The following MS4A8 variants were observed in gnomAD, a reference collection of about 807,000 sequenced individuals.
MS4A8 encodes membrane spanning 4-domains A8.
MS4A8 carries 27 observed loss-of-function variants against 23.7 expected under a neutral mutation model. The observed-to-expected ratio is 1.14, with a 90% confidence interval of 0.84 to 1.57. The LOEUF (loss-of-function observed/expected upper bound fraction) is 1.57, where lower values mean the gene tolerates loss of function less well. Among genes scored for constraint, MS4A8 ranks in the 40% most tolerant of loss-of-function variants. MS4A8 has a pLI of 0.00. For synonymous variants in MS4A8, 138 were observed against 126.3 expected, an observed-to-expected ratio of 1.09 and a Z score of -0.62; for missense variants, 301 against 311.4, an observed-to-expected ratio of 0.97 and a Z score of 0.25.
Position 60,700,842 on chromosome 11 carries a change from G to A in MS4A8, c.-1-18G>A, listed in dbSNP as rs201880847. On this transcript the variant is annotated intron_variant, in intron 1 of 6. Transcript: ENST00000300226. ...TCCATATGTGAGGGAAAATTCTCTC[G>A]CATTTATTTCTTGGCAGCATGAATT... 154 of 1,613,412 alleles carry A rather than the reference G, an allele frequency of 9.5e-5. No individual in the cohort carries two copies. The East Asian group carries it at 1.6e-3, about 17-fold the overall frequency.
chr11:60,703,379 C>G lies in MS4A8; in HGVS notation c.221C>G (p.Ala74Gly). 1 of 1,565,296 alleles carries G rather than the reference C, an allele frequency of 6.4e-7. No homozygotes were observed. Among genetic ancestry groups the G allele is most frequent in the Non-Finnish European group, 8.6e-7 (1 of 1,157,278 alleles). The change falls in exon 3 of 7, where the codon GCC (alanine) becomes GGC (glycine). Residue 74 changes from alanine (A) to glycine (G), a missense_variant and splice_region_variant. Physicochemically the swap from Ala to Gly is moderately conservative, Grantham distance 60. Transcript: ENST00000300226. ...TTCAGCTTGTGGCTCTCCTGACAGG[C>G]CATCCAGATCATCATTGGCCTGGCT... ...KALKEGKTLGAIQIIIGLAHI... is the reference protein window; with the variant it reads ...KALKEGKTLGGIQIIIGLAHI...
intron 2 of MS4A8, chr11:60,701,439 C>A (rs933328951): frequency 2.0e-5 from 8 of 398,108 alleles, no homozygotes; most frequent in African/African-American, 1.0e-4. Context: ...CCAATAAGAT[C>A]GAATCAAATA....
chr11:60,715,396 G>C lies in MS4A8; in HGVS notation c.735G>C (p.Glu245Asp). The C allele has an allele frequency of 6.2e-7, 1 of 1,613,760 alleles. No homozygotes were observed. Among genetic ancestry groups the C allele is most frequent in the Non-Finnish European group, 8.5e-7 (1 of 1,179,754 alleles). Residue 245 changes from glutamate (E) to aspartate (D), a missense_variant, in exon 7 of 7, where the codon GAG (glutamate) becomes GAC (aspartate). Glu to Asp is a conservative substitution (Grantham distance 45). Transcript: ENST00000300226. ...CCTCACCACCAAGTTATTCCAGTGA[G>C]ATCCAAGCAAATAAGTAAGGCTACA... ...PVTSPPSYSS[E>D]IQANK
intron 1 of MS4A8, 148 bp from the exon 2 acceptor site, chr11:60,700,712 C>T (rs2088195396): frequency 2.7e-6 from 2 of 743,464 alleles, no homozygotes; most frequent in African/African-American, 3.5e-5. Flanking sequence ...TCTTAAGTGC[C>T]CTATAACTGA....
At chr11:60,705,387 G>A (rs935880316) in intron 3 of MS4A8, among the ~76,000 whole-genome samples, 5 of 152,200 alleles carry the variant, frequency 3.3e-5, no homozygotes, top group East Asian at 3.8e-4. Context: ...CACTGACCAC[G>A]CCTCCTCCCA....
At chr11:60,701,316 A>G in intron 2 of MS4A8, 1 of 633,318 alleles carries the variant, frequency 1.6e-6, no homozygotes, top group Non-Finnish European at 2.9e-6. Context: ...AAGCAACAAA[A>G]AAGCAGCACG....
Position 60,703,438 on chromosome 11 carries a change from C to G in MS4A8, c.280C>G (p.Leu94Val). Residue 94 changes from leucine (L) to valine (V), a missense_variant, in exon 3 of 7, where the codon CTC (leucine) becomes GTC (valine). Transcript: ENST00000300226. ...IGLGSIMATV[L>V]VGEYLSISFY... ...CCTCGGCTCCATCATGGCGACGGTTCTCGTAGGGGAATACCTGTCTATTTC... is the reference window on the plus strand; with the variant it reads ...CCTCGGCTCCATCATGGCGACGGTTGTCGTAGGGGAATACCTGTCTATTTC... 1 of 1,607,546 alleles carries G rather than the reference C, an allele frequency of 6.2e-7. No individual in the cohort carries two copies. Among genetic ancestry groups the G allele is most frequent in the Non-Finnish European group, 8.5e-7 (1 of 1,177,468 alleles).
intron 3 of MS4A8, among the ~76,000 whole-genome samples, chr11:60,706,317 C>G (rs575371327): frequency 6.6e-6 from 1 of 152,154 alleles, no homozygotes. Flanking sequence ...ACAGTGCCTG[C>G]GGAATACCAT....
At chr11:60,708,522 A>G in intron 4 of MS4A8, 128 bp from the exon 5 acceptor site, 2 of 947,964 alleles carry the variant, frequency 2.1e-6, no homozygotes, top group Non-Finnish European at 3.0e-6. Flanking sequence ...AGGATGTTAA[A>G]TTTTATGTTA....
intron 1 of MS4A8, 105 bp from the exon 2 acceptor site, chr11:60,700,755 T>G (rs1416590757): frequency 1.4e-5 from 15 of 1,089,570 alleles, no homozygotes; most frequent in Non-Finnish European, 2.1e-5. Context: ...ATTCATAAAC[T>G]TGTAGAGGGT....
intron 5 of MS4A8, among the ~76,000 whole-genome samples, chr11:60,710,701 C>T (rs2088293478): frequency 6.6e-6 from 1 of 152,160 alleles, no homozygotes; most frequent in African/African-American, 2.4e-5. Flanking sequence ...CACTTCTCTG[C>T]TGGCATCTTA....
Position 60,711,743 on chromosome 11 carries a change from A to G in MS4A8, c.534+2962A>G, listed in dbSNP as rs1473685754. On this transcript the variant is annotated intron_variant, in intron 5 of 6. Transcript: ENST00000300226. Reference sequence around the variant, plus strand: ...GGAAGATGGGAGAAGAGTTTAGGAAAGACTAAACCCCAAGCAGCACAGCCA... The same window carrying G: ...GGAAGATGGGAGAAGAGTTTAGGAAGGACTAAACCCCAAGCAGCACAGCCA... 11 of 450,756 alleles carry G rather than the reference A, an allele frequency of 2.4e-5. No homozygotes were observed. The Admixed American group carries it at 2.7e-4, about 11-fold the overall frequency. The allele number at this position is 450,756 out of a possible 1,614,324, so 27.9% of individuals were successfully genotyped here.
chr11:60,714,956 C>G (rs1019272484), intron 5 of MS4A8, 65 bp from the exon 6 acceptor site: 9 of 1,116,260 alleles, frequency 8.1e-6, no homozygotes, highest in Non-Finnish European at 1.2e-5. Flanking sequence ...GGCAGGGCCC[C>G]AGTGAGAGGT....
chr11:60,715,309 G>T lies in MS4A8; in HGVS notation c.649-1G>T, dbSNP rs768160702. ...GCCCCCTGTGTGCCTGTGTTTTCCA[G>T]GTGAGTGTCATCTATCCAAACATCT... On this transcript the variant is annotated splice_acceptor_variant, in intron 6 of 6. Transcript: ENST00000300226. LOFTEE classifies it high-confidence loss of function. 8.1e-6 allele frequency: 13 copies of T among 1,613,690 alleles called. No individual in the cohort carries two copies. The highest frequency in any genetic ancestry group is 1.1e-5 in the Non-Finnish European group (13 of 1,179,830).
intron 4 of MS4A8, among the ~76,000 whole-genome samples, chr11:60,707,928 C>T (rs1029259403): frequency 2.8e-5 from 4 of 144,114 alleles, no homozygotes; most frequent in Non-Finnish European, 6.0e-5. Context: ...CTCCTGGGTT[C>T]AAGCAATTCT....
chr11:60,715,063 C>G lies in MS4A8; in HGVS notation c.577C>G (p.Leu193Val). 6.2e-7 allele frequency: 1 copy of G among 1,614,114 alleles called. No homozygotes were observed. Among genetic ancestry groups the G allele is most frequent in the South Asian group, 1.1e-5 (1 of 91,076 alleles). ...AISGVLLVFC[L>V]LEFGIACASS... ...TTCTGGCGTGCTGCTGGTCTTCTGC[C>G]TCCTGGAGTTTGGCATCGCATGCGC... Residue 193 changes from leucine to valine, a missense_variant, in exon 6 of 7, where the codon CTC (leucine) becomes GTC (valine). Leu to Val is a conservative substitution (Grantham distance 32, BLOSUM62 1). Coordinates refer to ENST00000300226, the MANE Select transcript of MS4A8 (RefSeq NM_031457.2).
rs766939698 is a variant in MS4A8, at chr11:60,715,333, C to T, written c.672C>T (p.Ile224=). The T allele has an allele frequency of 6.2e-6, 10 of 1,614,066 alleles. No homozygotes were observed. The South Asian group carries it at 1.1e-4, about 18-fold the overall frequency. ...AGGTGAGTGTCATCTATCCAAACAT[C>T]TATGCAGCAAACCCAGTGATCACCC... ...SSNVSVIYPN[I]YAANPVITPE... Residue 224 remains isoleucine, a synonymous_variant, in exon 7 of 7, where the codon ATC becomes ATT. Transcript: ENST00000300226.
intron 6 of MS4A8, 23 bp downstream of exon 6, chr11:60,715,157 G>C: frequency 6.3e-7 from 1 of 1,584,382 alleles, no homozygotes; most frequent in Non-Finnish European, 8.7e-7. Flanking sequence ...GTTCCTCAGT[G>C]GGTGGAAAGA....
intron 2 of MS4A8, chr11:60,701,320 CA>C (rs1487454031): frequency 1.6e-6 from 1 of 625,262 alleles, no homozygotes; most frequent in African/African-American, 1.8e-5. Context: ...AACAAAAAAG[CA>C]GCACGCTTGA....
Sources: allele counts gnomAD v4.1 joint callset (sites outside exome capture counted in the v4.1 genomes callset), GRCh38; gene constraint gnomAD v4.1.1; transcripts MANE v1.5; gene names NCBI Gene and HGNC (gene_info 2026-07-23, HGNC 2026-07-21).